Variants in CADPS observed in about 807,000 individuals in gnomAD.
CADPS encodes calcium-dependent secretion activator 1.
In CADPS, 57 loss-of-function variants were observed where a neutral mutation model predicts 167.3. The ratio of observed to expected loss-of-function variants is 0.34; its 90% confidence interval spans 0.28 to 0.42. CADPS has a LOEUF of 0.42. Ranked by LOEUF, CADPS falls within the 20% of genes least tolerant of loss-of-function variation. The pLI is 1.00. For synonymous variants in CADPS, 676 were observed against 635.3 expected (o/e 1.06, Z -0.96); for missense variants, 1,414 against 1,738.1 (o/e 0.81, Z 3.32).
intron 3 of CADPS, among the ~76,000 whole-genome samples, chr3:62,726,552 A>G (rs537308939): frequency 5.3e-5 from 8 of 151,866 alleles, no homozygotes; most frequent in African/African-American, 1.9e-4. Flanking sequence ...TAGAGGAGAC[A>G]TGGAATTATC....
intron 9 of CADPS, among the ~76,000 whole-genome samples, chr3:62,563,760 T>A (rs914751659): frequency 6.6e-6 from 1 of 152,188 alleles, no homozygotes. Flanking sequence ...CCTCATAGTT[T>A]AGCCCCCACT....
intron 11 of CADPS, among the ~76,000 whole-genome samples, chr3:62,537,672 G>A (rs758345330): frequency 6.6e-6 from 1 of 151,896 alleles, no homozygotes; most frequent in African/African-American, 2.4e-5. Flanking sequence ...GGGAAAAATC[G>A]ATTTCTGACT....
At chr3:62,759,734 A>T (rs1559499602) in intron 2 of CADPS, among the ~76,000 whole-genome samples, 1 of 152,166 alleles carries the variant, frequency 6.6e-6, no homozygotes, top group Non-Finnish European at 1.5e-5. Flanking sequence ...AATTTTGGTT[A>T]TCTAGGATGA....
intron 1 of CADPS, among the ~76,000 whole-genome samples, chr3:62,853,278 A>G (rs184758440): frequency 6.6e-6 from 1 of 152,104 alleles, no homozygotes; most frequent in South Asian, 2.1e-4. Context: ...ATTTAATCAC[A>G]TTGTTTTCAG....
chr3:62,857,595 T>G (rs1480083301), intron 1 of CADPS, among the ~76,000 whole-genome samples: 4 of 152,018 alleles, frequency 2.6e-5, no homozygotes, highest in Non-Finnish European at 5.9e-5. Flanking sequence ...ATATATAATG[T>G]TGTGCAAAAA....
At chr3:62,540,127 A>C (rs770541786) in intron 11 of CADPS, among the ~76,000 whole-genome samples, 3 of 152,188 alleles carry the variant, frequency 2.0e-5, no homozygotes, top group Non-Finnish European at 4.4e-5. Flanking sequence ...TCAAGTAGTT[A>C]GTGAGCCAAG....
At chr3:62,416,447 T>C (rs1048248906) in intron 28 of CADPS, among the ~76,000 whole-genome samples, 4 of 152,206 alleles carry the variant, frequency 2.6e-5, no homozygotes, top group Non-Finnish European at 5.9e-5. Context: ...CGGTGACATA[T>C]ACTTGGACTG....
intron 6 of CADPS, among the ~76,000 whole-genome samples, chr3:62,637,993 T>A (rs963638937): frequency 6.6e-6 from 1 of 151,758 alleles, no homozygotes. Context: ...TTCCCCCATG[T>A]CCCCTTCGTC....
At chr3:62,678,578 A>T (rs1181676187) in intron 3 of CADPS, among the ~76,000 whole-genome samples, 1 of 152,120 alleles carries the variant, frequency 6.6e-6, no homozygotes, top group East Asian at 1.9e-4. Flanking sequence ...ACAGAAGAAC[A>T]TCTTAAGCCA....
At chr3:62,510,690 C>T (rs1057266567) in intron 17 of CADPS, among the ~76,000 whole-genome samples, 1 of 152,106 alleles carries the variant, frequency 6.6e-6, no homozygotes, top group Non-Finnish European at 1.5e-5. Flanking sequence ...CAGCAGCTGT[C>T]CATATTTCAG....
intron 1 of CADPS, among the ~76,000 whole-genome samples, chr3:62,792,973 A>C (rs1233419742): frequency 6.6e-6 from 1 of 152,198 alleles, no homozygotes; most frequent in Non-Finnish European, 1.5e-5. Flanking sequence ...CTTGGATCAG[A>C]AGCCCAGTTC....
At chr3:62,802,201 T>C (rs966719653) in intron 1 of CADPS, among the ~76,000 whole-genome samples, 6 of 152,138 alleles carry the variant, frequency 3.9e-5, no homozygotes, top group African/African-American at 1.4e-4. Context: ...CAGTGCATAA[T>C]GATGCCAAAT....
intron 1 of CADPS, among the ~76,000 whole-genome samples, chr3:62,791,349 C>T (rs1329713433): frequency 6.6e-6 from 1 of 152,142 alleles, no homozygotes; most frequent in Non-Finnish European, 1.5e-5. Flanking sequence ...AAATAGCTAC[C>T]TGTGGCTAGT....
At chr3:62,457,134 G>A (rs2058786396) in intron 26 of CADPS, among the ~76,000 whole-genome samples, 1 of 152,114 alleles carries the variant, frequency 6.6e-6, no homozygotes, top group South Asian at 2.1e-4. Context: ...TGTGCTCAGT[G>A]ATAGAACTAC....
chr3:62,679,489 A>G (rs2076815967), intron 3 of CADPS, among the ~76,000 whole-genome samples: 1 of 151,968 alleles, frequency 6.6e-6, no homozygotes, highest in South Asian at 2.1e-4. Context: ...CAGGAAGCTG[A>G]TGAAGATCTC....
intron 1 of CADPS, among the ~76,000 whole-genome samples, chr3:62,819,703 C>A (rs2971926): frequency 1.6e-4 from 24 of 152,180 alleles, no homozygotes; most frequent in Admixed American, 4.6e-4. Flanking sequence ...TCCATCCCTA[C>A]GTAACCAATT....
intron 17 of CADPS, among the ~76,000 whole-genome samples, chr3:62,505,336 T>A (rs948857677): frequency 1.3e-5 from 2 of 152,234 alleles, no homozygotes; most frequent in Admixed American, 1.3e-4. Flanking sequence ...GGATGGATCA[T>A]GGATTTTTCC....
chr3:62,552,410 C>T (rs533710524), intron 10 of CADPS, among the ~76,000 whole-genome samples: 1 of 152,164 alleles, frequency 6.6e-6, no homozygotes, highest in East Asian at 1.9e-4. Context: ...TAGGTGGAAA[C>T]TTCTCTTTGG....
Position 62,555,145 on chromosome 3 carries a change from A to C in CADPS, c.1753+2260T>G, listed in dbSNP as rs146618370. On this transcript the variant is annotated intron_variant, in intron 10 of 29. Transcript: ENST00000383710. Reference sequence around the variant, plus strand: ...TTTTCAATCAGACATTACTTGGGGAATAAATAGGACTTAGCACATGGAAAG... The same window carrying C: ...TTTTCAATCAGACATTACTTGGGGACTAAATAGGACTTAGCACATGGAAAG... 2.7e-3 allele frequency among the ~76,000 whole-genome samples: 404 copies of C among 152,338 alleles called. 4 individuals are homozygous for C. In the Middle Eastern group the frequency reaches 0.034, roughly 13 times the overall value.
Sources: gnomAD v4.1 joint callset for allele counts (sites outside exome capture counted in the v4.1 genomes callset) on GRCh38, gnomAD v4.1.1 for gene constraint, MANE v1.5 for transcripts, NCBI Gene and HGNC (gene_info 2026-07-23, HGNC 2026-07-21) for gene names.